SH3D19: variants seen among roughly 807,000 people sequenced by gnomAD.
SH3D19 encodes the protein SH3 domain containing 19, also known as SH3 domain-containing protein 19.
In SH3D19, 58 loss-of-function variants were observed where a neutral mutation model predicts 112.1. That is an observed-to-expected ratio of 0.52 (90% confidence interval 0.42 to 0.64). The LOEUF (loss-of-function observed/expected upper bound fraction) is 0.64, where lower values mean the gene tolerates loss of function less well. Among genes scored for constraint, SH3D19 ranks in the 30% least tolerant of loss-of-function variants. The pLI is 0.00. For missense variants in SH3D19, 1,090 were observed against 1,263.4 expected (o/e 0.86, Z 2.08); for synonymous variants, 391 against 448.5 (o/e 0.87, Z 1.62).
intron 2 of SH3D19, among the ~76,000 whole-genome samples, chr4:151,200,025 C>T (rs1416544718): frequency 2.6e-5 from 4 of 152,066 alleles, no homozygotes; most frequent in Non-Finnish European, 4.4e-5. Context: ...GATCCCTTGC[C>T]TTTCTGCCAT....
At chr4:151,300,111 G>GA in intron 1 of SH3D19, among the ~76,000 whole-genome samples, 1 of 152,056 alleles carries the variant, frequency 6.6e-6, no homozygotes. Context: ...TGAGGCAGGA[G>GA]AATTGCTTGA....
chr4:151,223,003 CTTTT>C (rs33925824), intron 2 of SH3D19, among the ~76,000 whole-genome samples: 3 of 115,782 alleles, frequency 2.6e-5, no homozygotes, highest in Admixed American at 9.3e-5. Context: ...TTCTCCCAGC[CTTTT>C]TTTTTTTTTT....
chr4:151,122,511 T>TCTCACA (rs1554028070), intron 19 of SH3D19, among the ~76,000 whole-genome samples: 1 of 148,410 alleles, frequency 6.7e-6, no homozygotes, highest in Admixed American at 6.8e-5. Flanking sequence ...ATACCAGTTA[T>TCTCACA]CACACACACA....
intron 1 of SH3D19, among the ~76,000 whole-genome samples, chr4:151,275,861 T>TGTG (rs201239876): frequency 7.6e-6 from 1 of 132,382 alleles, no homozygotes. Context: ...TTTTTTTTTT[T>TGTG]AGACGGAGTC....
intron 1 of SH3D19, among the ~76,000 whole-genome samples, chr4:151,298,700 A>G (rs191895400): frequency 6.6e-6 from 1 of 152,308 alleles, no homozygotes; most frequent in Admixed American, 6.5e-5. Flanking sequence ...CACTGCATCC[A>G]AGAAAGCACT....
chr4:151,205,476 G>A (rs894396188), intron 2 of SH3D19, among the ~76,000 whole-genome samples: 1 of 152,124 alleles, frequency 6.6e-6, no homozygotes, highest in African/African-American at 2.4e-5. Flanking sequence ...AGGAGTCTGG[G>A]GGTCTGACAA....
chr4:151,266,886 GAAGGT>G (rs1772829478), intron 1 of SH3D19, among the ~76,000 whole-genome samples: 1 of 152,092 alleles, frequency 6.6e-6, no homozygotes, highest in South Asian at 2.1e-4. Context: ...AACAACTCAA[GAAGGT>G]ACTATTTAGC....
Position 151,325,486 on chromosome 4 carries a change from C to T in SH3D19, c.-134G>A. 3 of 358,596 alleles carry T rather than the reference C, an allele frequency of 8.4e-6. No homozygotes were observed. Among genetic ancestry groups the T allele is most frequent in the Admixed American group, 1.0e-4 (2 of 20,036 alleles). 22.2% of individuals were successfully genotyped at this position (358,596 alleles called of 1,614,324 possible). On this transcript the variant is annotated 5_prime_UTR_variant, in exon 1 of 20. Transcript: ENST00000604030. The stretch of plus-strand genomic sequence containing the variant: ...GCGGCTCCCGGAGAGGAGGCGTCGG[C>T]GGCGGCTGTGGAAATGGCCACCTCC...
rs1331203016 is a variant in SH3D19, at chr4:151,120,490, A to C, written c.*1601T>G. ...TTCCATATCCTTCCTGCTGTTGTAC[A>C]GTTTGCTGCAAATGATAATTTAATT... On this transcript the variant is annotated 3_prime_UTR_variant, in exon 20 of 20. Transcript: ENST00000604030. 6.6e-6 allele frequency: 1 copy of C among 152,394 alleles called. No individual in the cohort carries two copies. The highest frequency in any genetic ancestry group is 1.5e-5 in the Non-Finnish European group (1 of 68,042). The allele number at this position is 152,394 out of a possible 1,614,324, so 9.4% of individuals were successfully genotyped here. A position where few individuals can be genotyped will look rare whatever the true frequency, so the allele number is the denominator to read the frequency against.
At chr4:151,267,167 A>AT (rs1307254666) in intron 1 of SH3D19, among the ~76,000 whole-genome samples, 3 of 98,050 alleles carry the variant, frequency 3.1e-5, no homozygotes, top group African/African-American at 8.7e-5. Context: ...TAAAAAAAAA[A>AT]AAAAATAAAT....
chr4:151,245,803 T>A (rs184328274), intron 1 of SH3D19, among the ~76,000 whole-genome samples: 19 of 152,274 alleles, frequency 1.2e-4, no homozygotes, highest in Admixed American at 3.3e-4. Context: ...GGTTTCACCA[T>A]ATTGGCCAGG....
At chr4:151,299,580 C>CAAAAAAAA (rs369585943) in intron 1 of SH3D19, among the ~76,000 whole-genome samples, 1 of 92,776 alleles carries the variant, frequency 1.1e-5, no homozygotes, top group Non-Finnish European at 2.0e-5. Context: ...AACTCCGTCT[C>CAAAAAAAA]AAAAAAAAAA....
At chr4:151,179,432 A>T (rs1003729213) in intron 3 of SH3D19, 35 bp from the exon 4 acceptor site, 4 of 1,198,400 alleles carry the variant, frequency 3.3e-6, no homozygotes, top group Non-Finnish European at 4.2e-6. Context: ...ATAGTACAAA[A>T]TTAGTATGTT....
chr4:151,132,542 A>G (rs1266240842), intron 16 of SH3D19, among the ~76,000 whole-genome samples, 159 bp from the exon 17 acceptor site: 3 of 152,238 alleles, frequency 2.0e-5, no homozygotes, highest in African/African-American at 4.8e-5. Context: ...AACCTGTACT[A>G]ACTTCACTGA....
At chr4:151,254,939 C>T (rs1426230344) in intron 1 of SH3D19, among the ~76,000 whole-genome samples, 1 of 148,516 alleles carries the variant, frequency 6.7e-6, no homozygotes, top group Non-Finnish European at 1.5e-5. Context: ...GGCGGCTGGC[C>T]AGGCGGGGGG....
In SH3D19 at chr4:151,144,176, A is replaced by G. The variant is rs753971412; in HGVS notation, c.2083-126T>C. 4 of 1,465,866 alleles carry G rather than the reference A, an allele frequency of 2.7e-6. No homozygotes were observed. In the East Asian group the frequency reaches 7.2e-5, roughly 26 times the overall value. The allele number at this position is 1,465,866 out of a possible 1,614,324, so 90.8% of individuals were successfully genotyped here. On this transcript the variant is annotated intron_variant, in intron 11 of 19. Coordinates refer to ENST00000604030, the MANE Select transcript of SH3D19 (RefSeq NM_001378122.1). ...GTAATGGTAGTAACAGAGGCCAGTA[A>G]TTTTTTTTTTACATTAACCAGTAAG...
intron 1 of SH3D19, among the ~76,000 whole-genome samples, chr4:151,249,014 C>T (rs1196928128): frequency 6.6e-6 from 1 of 152,092 alleles, no homozygotes; most frequent in Non-Finnish European, 1.5e-5. Flanking sequence ...TAAAGTGAGC[C>T]TCAAAAACAT....
intron 9 of SH3D19, among the ~76,000 whole-genome samples, chr4:151,158,733 A>AAT (rs1400307852): frequency 2.0e-5 from 3 of 152,094 alleles, no homozygotes; most frequent in African/African-American, 4.8e-5. Context: ...TGAAATGAAA[A>AAT]ATATATATAT....
chr4:151,213,728 G>C (rs1334458155), intron 2 of SH3D19, among the ~76,000 whole-genome samples: 2 of 151,228 alleles, frequency 1.3e-5, no homozygotes, highest in East Asian at 3.9e-4. Context: ...CTGTTGCCCA[G>C]GTGTGTGGTG....
Sources: gnomAD v4.1 joint callset for allele counts (sites outside exome capture counted in the v4.1 genomes callset) on GRCh38, gnomAD v4.1.1 for gene constraint, MANE v1.5 for transcripts, NCBI Gene and HGNC (gene_info 2026-07-23, HGNC 2026-07-21) for gene names.